ZNF407: variants seen among roughly 807,000 people sequenced by gnomAD.
ZNF407 encodes the protein zinc finger protein 407.
Under a neutral mutation model 131.2 loss-of-function variants are expected in ZNF407, and 17 were observed. The observed-to-expected ratio is 0.13, with a 90% CI of 0.09 to 0.19. The LOEUF (loss-of-function observed/expected upper bound fraction) is 0.19, where lower values mean the gene tolerates loss of function less well. ZNF407 is among the 10% of genes least tolerant of loss of function. ZNF407 has a pLI of 1.00. For synonymous variants in ZNF407, 1,156 were observed against 1,062.0 expected (o/e 1.09, Z -1.72); for missense variants, 2,681 against 2,830.6 (o/e 0.95, Z 1.20).
At chr18:74,832,480 G>A (rs1043316385) in intron 4 of ZNF407, among the ~76,000 whole-genome samples, 3 of 151,172 alleles carry the variant, frequency 2.0e-5, no homozygotes, top group African/African-American at 7.3e-5. Flanking sequence ...TTTGAGATAG[G>A]GTCTCACTCT....
At chr18:74,875,222 A>G (rs1031723971) in intron 4 of ZNF407, among the ~76,000 whole-genome samples, 1 of 152,136 alleles carries the variant, frequency 6.6e-6, no homozygotes, top group African/African-American at 2.4e-5. Flanking sequence ...GAGCTTATTT[A>G]TTTTCATAAA....
At chr18:75,024,350 C>T (rs1303798536) in intron 8 of ZNF407, among the ~76,000 whole-genome samples, 3 of 152,106 alleles carry the variant, frequency 2.0e-5, no homozygotes, top group Non-Finnish European at 2.9e-5. Flanking sequence ...GTAATCCTAT[C>T]CTTTAATCAC....
At chr18:74,790,170 A>T (rs931663756) in intron 4 of ZNF407, among the ~76,000 whole-genome samples, 5 of 152,194 alleles carry the variant, frequency 3.3e-5, no homozygotes, top group African/African-American at 1.2e-4. Flanking sequence ...ATAATACTAC[A>T]TGCATTATAA....
intron 8 of ZNF407, among the ~76,000 whole-genome samples, chr18:74,968,467 T>C (rs1399361353): frequency 6.6e-6 from 1 of 152,212 alleles, no homozygotes; most frequent in Non-Finnish European, 1.5e-5. Context: ...ATAACTCCCT[T>C]TAACTAGAAT....
At chr18:74,701,822 G>A (rs1967503471) in intron 3 of ZNF407, among the ~76,000 whole-genome samples, 1 of 152,060 alleles carries the variant, frequency 6.6e-6, no homozygotes. Context: ...TGCAGTTTGT[G>A]CATTGCATTG....
intron 4 of ZNF407, among the ~76,000 whole-genome samples, chr18:74,870,026 A>G (rs1229111228): frequency 6.6e-6 from 1 of 152,202 alleles, no homozygotes; most frequent in Non-Finnish European, 1.5e-5. Flanking sequence ...TTGAAAGATG[A>G]AATCAAGTCT....
intron 8 of ZNF407, among the ~76,000 whole-genome samples, chr18:74,976,251 T>C (rs1972527136): frequency 6.6e-6 from 1 of 152,224 alleles, no homozygotes; most frequent in Non-Finnish European, 1.5e-5. Context: ...TTCTCATTAG[T>C]AGAGTAGTTT....
intron 3 of ZNF407, among the ~76,000 whole-genome samples, chr18:74,677,359 G>A (rs576633826): frequency 2.5e-4 from 38 of 152,286 alleles, no homozygotes; most frequent in Non-Finnish European, 4.7e-4. Context: ...AGAAGGTGCT[G>A]GGATTACAGG....
At chr18:75,030,807 C>T (rs1347527582) in intron 8 of ZNF407, among the ~76,000 whole-genome samples, 6 of 152,186 alleles carry the variant, frequency 3.9e-5, no homozygotes, top group African/African-American at 1.4e-4. Context: ...AGCCCCCACC[C>T]TGCTGCTGTC....
chr18:75,049,693 G>T (rs920179587), intron 8 of ZNF407, among the ~76,000 whole-genome samples: 1 of 152,170 alleles, frequency 6.6e-6, no homozygotes, highest in African/African-American at 2.4e-5. Context: ...CATGCAGAAT[G>T]AACCTGTTCT....
chr18:74,948,944 G>T (rs930872740), intron 8 of ZNF407, among the ~76,000 whole-genome samples: 5 of 152,154 alleles, frequency 3.3e-5, no homozygotes, highest in Admixed American at 6.5e-5. Flanking sequence ...ATGCAAATTA[G>T]ACAGCACACT....
intron 3 of ZNF407, among the ~76,000 whole-genome samples, chr18:74,758,816 A>G (rs1969024786): frequency 6.6e-6 from 1 of 152,032 alleles, no homozygotes; most frequent in African/African-American, 2.4e-5. Flanking sequence ...CTGACCTCAA[A>G]TGATCCGCCC....
intron 5 of ZNF407, among the ~76,000 whole-genome samples, chr18:74,880,199 C>G (rs1971218581): frequency 6.6e-6 from 1 of 152,130 alleles, no homozygotes; most frequent in Admixed American, 6.5e-5. Context: ...GCACTTACTG[C>G]CTGAATATGC....
At position 75,063,694 on chromosome 18, in the gene ZNF407, A is replaced by G. The variant is rs1433966080; in HGVS notation, c.5973A>G (p.Ala1991=). Residue 1991 remains alanine, a synonymous_variant, in exon 9 of 9, where the codon GCA becomes GCG. Transcript: ENST00000299687. This position sits in a 1 kb window ranked among gnomAD's most constrained non-coding sequence, Gnocchi z 6.6. Reference sequence around the variant, plus strand: ...CCGAGGCATCCTCAGCCCTGGATGCATTGCTCTGTGCGGTCACTGAATTAG... The same window carrying G: ...CCGAGGCATCCTCAGCCCTGGATGCGTTGCTCTGTGCGGTCACTGAATTAG... ...APPEASSALD[A]LLCAVTELGE... is the part of the protein sequence containing the mutation. 6 of 1,611,798 alleles carry G rather than the reference A, an allele frequency of 3.7e-6. No homozygotes were observed. Among genetic ancestry groups the G allele is most frequent in the African/African-American group, 1.3e-5 (1 of 74,870 alleles).
rs1443638130 is a variant in ZNF407 at position 74,632,813 on chromosome 18, G to C, written c.1794G>C (p.Leu598Phe). 6.2e-7 allele frequency: 1 copy of C among 1,613,804 alleles called. No individual in the cohort carries two copies. ...GTCAGTGTTGTTCATTTATATCCTT[G>C]GATGAAATAAATCTTAGAGACCACA... ...LSCQCCSFIS[L>F]DEINLRDHMK... Residue 598 changes from leucine (L) to phenylalanine (F), a missense_variant, in exon 2 of 9, where the codon TTG (leucine) becomes TTC (phenylalanine). Physicochemically the swap from Leu to Phe is conservative, Grantham distance 22 (BLOSUM62 0). Around this residue, in one of 6 missense-constraint regions of ZNF407, gnomAD observed 1,789 missense variants for 1,748.7 expected, o/e 1.02. Coordinates refer to ENST00000299687, the MANE Select transcript of ZNF407 (RefSeq NM_017757.3).
At chr18:74,689,479 T>A (rs1369690305) in intron 3 of ZNF407, among the ~76,000 whole-genome samples, 1 of 152,200 alleles carries the variant, frequency 6.6e-6, no homozygotes, top group Non-Finnish European at 1.5e-5. Flanking sequence ...TAGAAATAAT[T>A]GATTGCAGCT....
At chr18:74,752,453 C>A (rs1968829009) in intron 3 of ZNF407, among the ~76,000 whole-genome samples, 2 of 152,118 alleles carry the variant, frequency 1.3e-5, no homozygotes, top group African/African-American at 2.4e-5. Flanking sequence ...CTTGCCCATG[C>A]CTATGTCCTG....
chr18:74,697,295 T>C (rs1013254915), intron 3 of ZNF407, among the ~76,000 whole-genome samples: 1 of 152,216 alleles, frequency 6.6e-6, no homozygotes, highest in African/African-American at 2.4e-5. Flanking sequence ...ATATATCCTT[T>C]GGCACATATG....
At chr18:74,882,608 T>A (rs974026848) in intron 6 of ZNF407, among the ~76,000 whole-genome samples, 1 of 152,228 alleles carries the variant, frequency 6.6e-6, no homozygotes, top group African/African-American at 2.4e-5. Context: ...ATAAGAGATA[T>A]GAGTTATCAT....
Sources: gnomAD v4.1 joint callset for allele counts (sites outside exome capture counted in the v4.1 genomes callset) on GRCh38, gnomAD v4.1.1 for gene constraint, gnomAD v4.1.1 regional missense constraint, Gnocchi (gnomAD v3.1) non-coding constraint, MANE v1.5 for transcripts, NCBI Gene and HGNC (gene_info 2026-07-23, HGNC 2026-07-21) for gene names.